UCHL3: variants seen among roughly 807,000 people sequenced by gnomAD.
The protein encoded by UCHL3 is ubiquitin C-terminal hydrolase L3, also known as ubiquitin carboxyl-terminal hydrolase isozyme L3.
Under a neutral mutation model 35.8 loss-of-function variants are expected in UCHL3, and 22 were observed. The ratio of observed to expected loss-of-function variants is 0.61; its 90% CI spans 0.44 to 0.88. UCHL3 has a LOEUF of 0.88. Among genes scored for constraint, UCHL3 ranks in the 40% least tolerant of loss-of-function variants. The pLI is 0.00. For missense variants in UCHL3, 229 were observed against 276.9 expected (o/e 0.83, Z 1.23); for synonymous variants, 90 against 92.8 (o/e 0.97, Z 0.17).
chr13:75,590,190 T>C, intron 6 of UCHL3: 1 of 1,224,036 alleles, frequency 8.2e-7, no homozygotes, highest in Non-Finnish European at 1.0e-6. Context: ...TTTTTTTTTT[T>C]TTTCTTAACT....
chr13:75,565,226 A>G (rs372557241), intron 3 of UCHL3, among the ~76,000 whole-genome samples: 2 of 151,968 alleles, frequency 1.3e-5, no homozygotes, highest in South Asian at 4.2e-4. Flanking sequence ...TTGCTTTGTC[A>G]TCAGGAACAT....
chr13:75,553,285 T>C (rs929471249), intron 2 of UCHL3, among the ~76,000 whole-genome samples: 1 of 152,248 alleles, frequency 6.6e-6, no homozygotes, highest in African/African-American at 2.4e-5. Flanking sequence ...TGCTACCTCA[T>C]CTCACATTCT....
intron 5 of UCHL3, among the ~76,000 whole-genome samples, chr13:75,568,645 A>G (rs1483311075): frequency 1.3e-5 from 2 of 151,964 alleles, no homozygotes; most frequent in Non-Finnish European, 2.9e-5. Context: ...TTCACCAATA[A>G]ATTATTGTTA....
intron 2 of UCHL3, among the ~76,000 whole-genome samples, chr13:75,559,992 T>A (rs1258186261): frequency 6.6e-6 from 1 of 152,206 alleles, no homozygotes; most frequent in Non-Finnish European, 1.5e-5. Context: ...AAACACTAAT[T>A]TTTTGTTACA....
chr13:75,579,333 A>G (rs1356130642), intron 6 of UCHL3, among the ~76,000 whole-genome samples: 1 of 152,016 alleles, frequency 6.6e-6, no homozygotes, highest in Non-Finnish European at 1.5e-5. Context: ...CAACTTTCTG[A>G]TCTTTGTTTT....
rs1423107071 is a variant in UCHL3, at chr13:75,594,998, C to G, written c.550+8C>G. On this transcript the variant is annotated splice_region_variant and intron_variant, in intron 7 of 8. Transcript: ENST00000377595. ...GGCATCTCTATGAATTAGGTAAGAA[C>G]TATTTTAATTTGTCCTGGGGAGAGA... 1 of 1,589,322 alleles carries G rather than the reference C, an allele frequency of 6.3e-7. No individual in the cohort carries two copies.
chr13:75,560,905 G>A (rs757110241), intron 3 of UCHL3, 24 bp downstream of exon 3: 20 of 1,487,792 alleles, frequency 1.3e-5, no homozygotes, highest in Non-Finnish European at 1.7e-5. Context: ...AAAATAGAAA[G>A]TTTCTGGTAA....
At chr13:75,550,125 C>T (rs2138437852) in intron 2 of UCHL3, 138 bp downstream of exon 2, 3 of 1,367,244 alleles carry the variant, frequency 2.2e-6, no homozygotes. Flanking sequence ...CGGCTTTACG[C>T]GGGTCCGCCC....
chr13:75,560,152 T>C lies in UCHL3; in HGVS notation c.55-601T>C, dbSNP rs533197168. 3.3e-5 allele frequency among the ~76,000 whole-genome samples: 5 copies of C among 152,324 alleles called. No individual in the cohort carries two copies. The South Asian group carries it at 8.3e-4, about 25-fold the overall frequency. ...TACATTTTTGGCTTATATTACTCTT[T>C]GCTCATTGATACAATTCATGGCTAT... On this transcript the variant is annotated intron_variant, in intron 2 of 8. Transcript: ENST00000377595.
intron 2 of UCHL3, among the ~76,000 whole-genome samples, chr13:75,550,787 C>T (rs1261023654): frequency 6.7e-6 from 1 of 150,224 alleles, no homozygotes; most frequent in Non-Finnish European, 1.5e-5. Flanking sequence ...TTATCATACT[C>T]CCTTTACCTC....
At chr13:75,571,976 C>CCGTCT (rs1555274361) in intron 6 of UCHL3, among the ~76,000 whole-genome samples, 2 of 143,054 alleles carry the variant, frequency 1.4e-5, no homozygotes, top group Non-Finnish European at 3.0e-5. Flanking sequence ...TTTCCTAACC[C>CCGTCT]TGTCTTGTCT....
intron 7 of UCHL3, among the ~76,000 whole-genome samples, chr13:75,599,492 A>G (rs762211812): frequency 1.3e-4 from 20 of 152,064 alleles, no homozygotes; most frequent in Non-Finnish European, 2.2e-4. Context: ...ATTTTTTCCA[A>G]CAGCATGTGC....
At chr13:75,583,336 G>A (rs2032238195) in intron 6 of UCHL3, among the ~76,000 whole-genome samples, 1 of 152,128 alleles carries the variant, frequency 6.6e-6, no homozygotes, top group Non-Finnish European at 1.5e-5. Context: ...TTAACAGAGT[G>A]TACTTTTAGA....
intron 7 of UCHL3, among the ~76,000 whole-genome samples, chr13:75,597,575 G>T (rs1400844815): frequency 1.3e-5 from 2 of 152,124 alleles, no homozygotes; most frequent in Non-Finnish European, 2.9e-5. Context: ...ATTGTATTAT[G>T]TATGATAAGT....
At chr13:75,572,488 G>A (rs893869875) in intron 6 of UCHL3, among the ~76,000 whole-genome samples, 1 of 152,162 alleles carries the variant, frequency 6.6e-6, no homozygotes, top group African/African-American at 2.4e-5. Context: ...TGGCGCCTTA[G>A]TGTGATGAAG....
chr13:75,597,805 A>G (rs1233090837), intron 7 of UCHL3, among the ~76,000 whole-genome samples: 1 of 152,198 alleles, frequency 6.6e-6, no homozygotes, highest in Non-Finnish European at 1.5e-5. Flanking sequence ...GTTAATTTCT[A>G]TAGGATATCT....
chr13:75,570,247 G>GTT (rs201672294), intron 6 of UCHL3, among the ~76,000 whole-genome samples: 2 of 151,000 alleles, frequency 1.3e-5, no homozygotes, highest in African/African-American at 4.9e-5. Flanking sequence ...ACTTTTTTTT[G>GTT]TTTTTTTTGA....
intron 6 of UCHL3, among the ~76,000 whole-genome samples, chr13:75,592,468 G>GTATATATGTAT (rs1201744829): frequency 4.3e-5 from 1 of 23,310 alleles, no homozygotes; most frequent in Non-Finnish European, 8.0e-5. Flanking sequence ...ATATATATAT[G>GTATATATGTAT]AAGGAAAAAA....
chr13:75,578,802 A>G (rs1282108299), intron 6 of UCHL3, among the ~76,000 whole-genome samples: 1 of 152,102 alleles, frequency 6.6e-6, no homozygotes. Context: ...ACAGTGCATA[A>G]TTTCTGATTT....
Sources: gnomAD v4.1 joint callset for allele counts (sites outside exome capture counted in the v4.1 genomes callset) on GRCh38, gnomAD v4.1.1 for gene constraint, MANE v1.5 for transcripts, NCBI Gene and HGNC (gene_info 2026-07-23, HGNC 2026-07-21) for gene names.